The following ZNF345 variants were observed in gnomAD, a reference collection of about 807,000 sequenced individuals.
The protein encoded by ZNF345 is zinc finger protein 345, also known as zinc finger protein HZF10.
For missense variants in ZNF345, 527 were observed against 589.9 expected, an observed-to-expected ratio of 0.89 and a Z score of 1.10; for synonymous variants, 166 against 187.9, an observed-to-expected ratio of 0.88 and a Z score of 0.95.
intron 2 of ZNF345, among the ~76,000 whole-genome samples, chr19:36,859,367 G>C (rs1471792723): frequency 6.6e-6 from 1 of 151,976 alleles, no homozygotes; most frequent in Non-Finnish European, 1.5e-5. Flanking sequence ...TGTTGGCCAG[G>C]CTGGTCTCAA....
chr19:36,854,840 C>CT (rs576968260), intron 2 of ZNF345, among the ~76,000 whole-genome samples: 2 of 149,490 alleles, frequency 1.3e-5, no homozygotes, highest in African/African-American at 4.9e-5. Context: ...TATCAGATTT[C>CT]TTTTTTTTCT....
chr19:36,886,850 C>T (rs1186436036), intron 3 of ZNF345, among the ~76,000 whole-genome samples: 8 of 151,762 alleles, frequency 5.3e-5, no homozygotes, highest in East Asian at 1.9e-4. Context: ...AAAAATTAGC[C>T]GGGCGTGGTG....
chr19:36,875,408 A>G (rs2072863113), intron 2 of ZNF345, among the ~76,000 whole-genome samples: 1 of 152,142 alleles, frequency 6.6e-6, no homozygotes, highest in Non-Finnish European at 1.5e-5. Flanking sequence ...AGATGAAACC[A>G]TGATGGGGAT....
chr19:36,857,052 G>C (rs1254222265), intron 2 of ZNF345, among the ~76,000 whole-genome samples: 1 of 151,968 alleles, frequency 6.6e-6, no homozygotes, highest in Non-Finnish European at 1.5e-5. Flanking sequence ...CTATTGATCT[G>C]TGTAACCTGT....
rs796110049 is a variant in ZNF345, at chr19:36,871,587, T to C, written c.-46-5198T>C. On this transcript the variant is annotated intron_variant, in intron 2 of 2. Coordinates refer to ENST00000420450, the MANE Select transcript of ZNF345 (RefSeq NM_001242472.2). ...CTTAAGCATTTTATATTTAGACAGC[T>C]CCAGTAGTCTTCAAGCTCTCTTTAT... Among the ~76,000 whole-genome samples the C allele has an allele frequency of 2.6e-5, 4 of 152,162 alleles. No homozygotes were observed. The South Asian group carries it at 8.3e-4, about 31-fold the overall frequency.
At chr19:36,891,774 A>C in intron 3 of ZNF345, 2 of 1,614,132 alleles carry the variant, frequency 1.2e-6, no homozygotes, top group Non-Finnish European at 1.7e-6. Flanking sequence ...GATGGTTAGT[A>C]AGTGTTGAGG....
At chr19:36,884,072 T>A (rs920357583), downstream of ZNF345, among the ~76,000 whole-genome samples, 1 of 149,234 alleles carries the variant, frequency 6.7e-6, no homozygotes, top group African/African-American at 2.5e-5. Context: ...TTATTTATTT[T>A]TATTTTTTTT....
downstream of ZNF345, among the ~76,000 whole-genome samples, chr19:36,884,012 A>G (rs1364198061): frequency 6.6e-6 from 1 of 152,230 alleles, no homozygotes; most frequent in Non-Finnish European, 1.5e-5. Context: ...TTGATAATTC[A>G]GTATAATAAT....
In ZNF345 at chr19:36,863,144, C is replaced by G. The variant is rs537516762; in HGVS notation, c.-47+11240C>G. 6 of 152,304 alleles carry G rather than the reference C, an allele frequency of 3.9e-5. No individual in the cohort carries two copies. In the East Asian group the frequency reaches 1.2e-3, roughly 29 times the overall value. 9.4% of individuals were successfully genotyped at this position (152,304 alleles called of 1,614,324 possible). A position where few individuals can be genotyped will look rare whatever the true frequency, so the allele number is the denominator to read the frequency against. ...ATTTTATTATGGCAGCCCTAGCAAA[C>G]TAATACGGTGAGTTATTTCCTCCTG... On this transcript the variant is annotated intron_variant, in intron 2 of 2. Transcript: ENST00000420450.
intron 2 of ZNF345, among the ~76,000 whole-genome samples, chr19:36,861,366 C>G (rs1357176047): frequency 3.9e-5 from 6 of 152,154 alleles, no homozygotes; most frequent in Non-Finnish European, 8.8e-5. Context: ...TTGTCACAAC[C>G]TGTTCCATAT....
downstream of ZNF345, among the ~76,000 whole-genome samples, chr19:36,882,644 G>C (rs937814073): frequency 6.6e-6 from 1 of 151,944 alleles, no homozygotes; most frequent in Non-Finnish European, 1.5e-5. Context: ...AGTTACCTAG[G>C]TGTCTGTATG....
chr19:36,871,450 A>C (rs1568357044), intron 2 of ZNF345, among the ~76,000 whole-genome samples: 1 of 152,178 alleles, frequency 6.6e-6, no homozygotes, highest in Non-Finnish European at 1.5e-5. Context: ...AGTCATTTGA[A>C]AATATGTTGG....
intron 2 of ZNF345, among the ~76,000 whole-genome samples, chr19:36,867,277 T>A (rs2072679309): frequency 6.6e-6 from 1 of 152,210 alleles, no homozygotes; most frequent in South Asian, 2.1e-4. Context: ...TCTTTTCATT[T>A]GTATTATCTT....
At chr19:36,864,573 G>A (rs2072619989) in intron 2 of ZNF345, among the ~76,000 whole-genome samples, 1 of 152,036 alleles carries the variant, frequency 6.6e-6, no homozygotes, top group African/African-American at 2.4e-5. Flanking sequence ...TAATGGTAGA[G>A]AGTCCGAGGA....
intron 3 of ZNF345, among the ~76,000 whole-genome samples, chr19:36,885,914 A>T (rs2072993524): frequency 6.6e-6 from 1 of 152,136 alleles, no homozygotes; most frequent in African/African-American, 2.4e-5. Context: ...CCCGCCTCTC[A>T]TCACCTTTCC....
chr19:36,890,104 T>C (rs2073035536), intron 3 of ZNF345: 1 of 152,350 alleles, frequency 6.6e-6, no homozygotes, highest in Admixed American at 6.5e-5. Context: ...TATCTAGTTT[T>C]ATTCCACTAT....
chr19:36,851,649 G>A (rs935132508), intron 1 of ZNF345, 181 bp from the exon 2 acceptor site: 2 of 152,350 alleles, frequency 1.3e-5, no homozygotes, highest in African/African-American at 4.8e-5. Context: ...GTTCTGCCCA[G>A]AACGGCATTG....
At chr19:36,883,429 C>T (rs943272087), downstream of ZNF345, among the ~76,000 whole-genome samples, 4 of 152,148 alleles carry the variant, frequency 2.6e-5, no homozygotes, top group Admixed American at 2.0e-4. Flanking sequence ...TGATTTCACC[C>T]CCGTGGGTTT....
At chr19:36,864,696 G>A (rs1201291833) in intron 2 of ZNF345, among the ~76,000 whole-genome samples, 2 of 152,110 alleles carry the variant, frequency 1.3e-5, no homozygotes, top group African/African-American at 4.8e-5. Context: ...AGGCAAGTGA[G>A]ACGGTGAGAA....
Sources: gnomAD v4.1 joint callset for allele counts (sites outside exome capture counted in the v4.1 genomes callset) on GRCh38, gnomAD v4.1.1 for gene constraint, MANE v1.5 for transcripts, NCBI Gene and HGNC (gene_info 2026-07-23, HGNC 2026-07-21) for gene names.